The following RIF1 variants were observed in gnomAD, a reference collection of about 807,000 sequenced individuals.
RIF1 encodes replication timing regulatory factor 1, also known as telomere-associated protein RIF1.
A neutral mutation model predicts 247.1 loss-of-function variants in RIF1; 45 were observed. The ratio of observed to expected loss-of-function variants is 0.18; its 90% confidence interval spans 0.14 to 0.23. RIF1 has a LOEUF of 0.23. Among genes scored for constraint, RIF1 ranks in the 10% least tolerant of loss-of-function variants. The probability of loss-of-function intolerance (pLI) is 1.00; values close to 1 mark genes in which losing one functional copy is unlikely to be tolerated. For missense variants in RIF1, 2,967 were observed against 2,862.5 expected (o/e 1.04, Z -0.83); for synonymous variants, 1,087 against 978.8 (o/e 1.11, Z -2.06).
the RIF1 span, among the ~76,000 whole-genome samples, chr2:151,523,944 T>C: frequency 2.2e-3 from 330 of 152,324 alleles, no homozygotes; most frequent in Non-Finnish European, 4.1e-3. Flanking sequence ...ATTTCATTGC[T>C]CTTCATGTTA....
At chr2:151,410,100 C>T (rs1026226992) in intron 1 of RIF1, 67 bp downstream of exon 1, 5 of 695,464 alleles carry the variant, frequency 7.2e-6, no homozygotes, top group African/African-American at 7.0e-5. Context: ...CCCTCCGCCC[C>T]CTCGCGGCGA....
chr2:151,528,334 A>G, the RIF1 span, among the ~76,000 whole-genome samples: 1 of 152,236 alleles, frequency 6.6e-6, no homozygotes, highest in East Asian at 1.9e-4. Flanking sequence ...TATAATTTAT[A>G]CACAATACAA....
intron 18 of RIF1, among the ~76,000 whole-genome samples, chr2:151,444,354 G>C (rs1692871451): frequency 6.6e-6 from 1 of 152,204 alleles, no homozygotes; most frequent in South Asian, 2.1e-4. Flanking sequence ...CTGTCACCCA[G>C]GCTAGAGTAC....
chr2:151,531,864 C>T, the RIF1 span: 1 of 1,609,506 alleles, frequency 6.2e-7, no homozygotes, highest in South Asian at 1.1e-5. Flanking sequence ...TAAATTTGTC[C>T]TTTGATTTTT....
intron 9 of RIF1, chr2:151,491,873 C>T: frequency 9.4e-7 from 1 of 1,068,730 alleles, no homozygotes; most frequent in Non-Finnish European, 1.4e-6. Context: ...AGGATTGAAT[C>T]ACACTTATTC....
intron 12 of RIF1, 68 bp downstream of exon 12, chr2:151,437,071 G>A: frequency 7.2e-6 from 10 of 1,395,016 alleles, no homozygotes; most frequent in Non-Finnish European, 9.8e-6. Context: ...TTGGGGTGAG[G>A]AGAGGTGTTA....
chr2:151,464,062 G>T lies in RIF1; in HGVS notation c.4542G>T (p.Glu1514Asp). Reference protein sequence around the residue: ...KKADPENIKSEGDGTQDIVDK... With the variant: ...KKADPENIKSDGDGTQDIVDK... ...CAGACCCTGAGAACATTAAGTCTGA[G>T]GGGGATGGTACCCAGGACATTGTAG... The change falls in exon 30 of 36, where the codon GAG (glutamate) becomes GAT (aspartate). Residue 1514 changes from glutamate (E) to aspartate (D), a missense_variant. Physicochemically the swap from Glu to Asp is conservative, Grantham distance 45 (BLOSUM62 2). Coordinates refer to ENST00000444746, the MANE Select transcript of RIF1 (RefSeq NM_018151.5). 6.2e-7 allele frequency: 1 copy of T among 1,612,958 alleles called. No individual in the cohort carries two copies. Among genetic ancestry groups the T allele is most frequent in the Non-Finnish European group, 8.5e-7 (1 of 1,179,734 alleles).
exon 11 of RIF1, chr2:151,499,395 A>G (rs2062740735): frequency 2.7e-6 from 4 of 1,501,970 alleles, no homozygotes; most frequent in Non-Finnish European, 9.1e-7. Flanking sequence ...CAACACCTGT[A>G]TGACACAAGA....
At position 151,501,420 on chromosome 2, in the gene RIF1, C is replaced by T; in HGVS notation, c.*710-1614C>T. The stretch of plus-strand genomic sequence containing the variant: ...CTAAAGTTTTCTTGATTGAGTTTGA[C>T]TCGCTCCATCTCAGGAGTGACAGGT... On this transcript the variant is annotated intron_variant and NMD_transcript_variant, in intron 11 of 13. Transcript: ENST00000454583. The T allele has an allele frequency of 1.3e-6, 2 of 1,549,380 alleles. No individual in the cohort carries two copies.
chr2:151,413,897 A>G (rs2152089195), intron 3 of RIF1, among the ~76,000 whole-genome samples: 1 of 152,326 alleles, frequency 6.6e-6, no homozygotes, highest in East Asian at 1.9e-4. Context: ...ATCCCTTTGG[A>G]GTAGGAAATG....
At chr2:151,529,406 T>C in the RIF1 span, 1 of 813,408 alleles carries the variant, frequency 1.2e-6, no homozygotes, top group Non-Finnish European at 2.1e-6. Flanking sequence ...TGCATGACTA[T>C]AGTACACAAT....
chr2:151,440,956 C>CT (rs1212425641), intron 15 of RIF1, among the ~76,000 whole-genome samples: 2 of 152,130 alleles, frequency 1.3e-5, no homozygotes, highest in Non-Finnish European at 2.9e-5. Context: ...TGACATAACT[C>CT]TTCTATGACA....
At chr2:151,498,028 C>A (rs2061477783) in intron 10 of RIF1, 2 of 1,440,278 alleles carry the variant, frequency 1.4e-6, no homozygotes, top group African/African-American at 1.4e-5. Context: ...GTGTTGTTAT[C>A]CACACAAATG....
At chr2:151,526,514 G>C in the RIF1 span, among the ~76,000 whole-genome samples, 3 of 152,276 alleles carry the variant, frequency 2.0e-5, no homozygotes, top group Admixed American at 6.5e-5. Context: ...AGCACGCTCA[G>C]ATATGCCATT....
the RIF1 span, chr2:151,519,602 A>C: frequency 2.3e-6 from 3 of 1,304,020 alleles, no homozygotes; most frequent in African/African-American, 4.4e-5. Flanking sequence ...ACACTTAAAA[A>C]CAGTTAAAAT....
chr2:151,433,599 C>T (rs562305216), intron 10 of RIF1, among the ~76,000 whole-genome samples: 19 of 152,084 alleles, frequency 1.2e-4, no homozygotes, highest in African/African-American at 3.9e-4. Context: ...GGACTGCAGG[C>T]GCACGACCAC....
At position 151,464,006 on chromosome 2, in the gene RIF1, A is replaced by C. The variant is rs764796380; in HGVS notation, c.4486A>C (p.Asn1496His). ...GAAGACTCTTGGGGAAACTAGTGCT[A>C]ATGCAGAAACTGAACAAAATAAAAA... ...HEKTLGETSANAETEQNKKKA... is the reference protein window; with the variant it reads ...HEKTLGETSAHAETEQNKKKA... Residue 1496 changes from asparagine to histidine, a missense_variant, in exon 30 of 36, where the codon AAT becomes CAT. By Grantham distance (68) the Asn-to-His change is moderately conservative. Transcript: ENST00000444746. 6.2e-7 allele frequency: 1 copy of C among 1,609,488 alleles called. No individual in the cohort carries two copies. The highest frequency in any genetic ancestry group is 8.5e-7 in the Non-Finnish European group (1 of 1,178,998).
At chr2:151,453,160 GCTCCCCC>G (rs1350569890) in intron 21 of RIF1, among the ~76,000 whole-genome samples, 1 of 151,996 alleles carries the variant, frequency 6.6e-6, no homozygotes, top group Non-Finnish European at 1.5e-5. Flanking sequence ...TATCTTATCT[GCTCCCCC>G]CTCCCCCCAG....
In RIF1 at chr2:151,496,635, C is replaced by T. The variant is rs1049267802; in HGVS notation, c.*513+1309C>T. 5.9e-5 allele frequency among the ~76,000 whole-genome samples: 9 copies of T among 151,910 alleles called. No individual in the cohort carries two copies. In the South Asian group the frequency reaches 1.7e-3, roughly 28 times the overall value. Reference sequence around the variant, plus strand: ...TTATTTTTTTTCATTTTTGTGAGTACGGTGCCTCCTAAACAATCACATGAG... The same window carrying T: ...TTATTTTTTTTCATTTTTGTGAGTATGGTGCCTCCTAAACAATCACATGAG... On this transcript the variant is annotated intron_variant and NMD_transcript_variant, in intron 10 of 13. Transcript: ENST00000454583.
Sources: gnomAD v4.1 joint callset for allele counts (sites outside exome capture counted in the v4.1 genomes callset) on GRCh38, gnomAD v4.1.1 for gene constraint, MANE v1.5 for transcripts, NCBI Gene and HGNC (gene_info 2026-07-23, HGNC 2026-07-21) for gene names.